Variants in CELF5 observed in about 807,000 individuals in gnomAD.
The protein encoded by CELF5 is CUGBP Elav-like family member 5.
Under a neutral mutation model 54.9 loss-of-function variants are expected in CELF5, and 6 were observed. The ratio of observed to expected loss-of-function variants is 0.11; its 90% CI spans 0.06 to 0.22. The LOEUF is 0.22. Among genes scored for constraint, CELF5 ranks in the 10% least tolerant of loss-of-function variants. CELF5 has a pLI of 1.00. For missense variants in CELF5, 401 were observed against 678.6 expected (o/e 0.59, Z 4.54); for synonymous variants, 271 against 290.9 (o/e 0.93, Z 0.70).
intron 2 of CELF5, among the ~76,000 whole-genome samples, chr19:3,252,911 G>A (rs12610909): frequency 0.06 from 9,066 of 151,970 alleles, 837 homozygotes; most frequent in East Asian, 0.43. Context: ...AAGGTGCTCA[G>A]TGGAGGGCTT....
chr19:3,267,241 A>G (rs1373317360), intron 2 of CELF5, among the ~76,000 whole-genome samples: 1 of 149,692 alleles, frequency 6.7e-6, no homozygotes, highest in Non-Finnish European at 1.5e-5. Context: ...AGCCCCCCCC[A>G]CCAACCGCCC....
intron 1 of CELF5, among the ~76,000 whole-genome samples, chr19:3,229,233 T>C (rs1408927310): frequency 2.6e-5 from 4 of 152,066 alleles, no homozygotes; most frequent in Non-Finnish European, 5.9e-5. Context: ...TCCGTCCACC[T>C]GTATGACCAA....
chr19:3,258,762 C>A (rs2145176874), intron 2 of CELF5, among the ~76,000 whole-genome samples: 1 of 152,158 alleles, frequency 6.6e-6, no homozygotes, highest in Non-Finnish European at 1.5e-5. Context: ...CAGGCACATG[C>A]CACCACGCCT....
In CELF5 at chr19:3,268,156, G is replaced by A. The variant is rs564331973; in HGVS notation, c.343-5716G>A. Among the ~76,000 whole-genome samples, 14 of 152,072 alleles carry A rather than the reference G, an allele frequency of 9.2e-5. No homozygotes were observed. The highest frequency in any genetic ancestry group is 4.2e-4 in the South Asian group (2 of 4,816). Reference sequence around the variant, plus strand: ...TGGGATTACAGGTGCCCGCCACCACGCCCAGCTACTTTTTGTATTTTTAGT... The same window carrying A: ...TGGGATTACAGGTGCCCGCCACCACACCCAGCTACTTTTTGTATTTTTAGT... On this transcript the variant is annotated intron_variant, in intron 2 of 12. Transcript: ENST00000292672. This position sits in a 1 kb window ranked among gnomAD's most constrained non-coding sequence, Gnocchi z 4.4.
chr19:3,282,395 C>T lies in CELF5; in HGVS notation c.936C>T (p.Gly312=). 1 of 1,612,128 alleles carries T rather than the reference C, an allele frequency of 6.2e-7. No individual in the cohort carries two copies. Among genetic ancestry groups the T allele is most frequent in the Non-Finnish European group, 8.5e-7 (1 of 1,180,026 alleles). ...TGCTGGGCACCACCGCTGTGCCTGG[C>T]CTCGTGGCTCCCATCACCAATGGCT... The part of the protein sequence containing the change: ...PPLLGTTAVP[G]LVAPITNGFA... The change falls in exon 8 of 13, where the codon GGC becomes GGT. Residue 312 remains glycine (G), a synonymous_variant. Coordinates refer to ENST00000292672, the MANE Select transcript of CELF5 (RefSeq NM_021938.4). This position sits in a 1 kb window ranked among gnomAD's most constrained non-coding sequence, Gnocchi z 5.2.
At chr19:3,284,227 G>A (rs530725076) in intron 8 of CELF5, among the ~76,000 whole-genome samples, 5 of 152,020 alleles carry the variant, frequency 3.3e-5, no homozygotes, top group Non-Finnish European at 7.3e-5. Flanking sequence ...TTTTGTCACA[G>A]ATGCAGACTT....
chr19:3,267,683 C>A (rs2079902454), intron 2 of CELF5, among the ~76,000 whole-genome samples: 1 of 152,190 alleles, frequency 6.6e-6, no homozygotes, highest in African/African-American at 2.4e-5. Flanking sequence ...GCACCCTCAG[C>A]CACCCTGCTG....
intron 1 of CELF5, among the ~76,000 whole-genome samples, chr19:3,246,659 G>A (rs2079571635): frequency 6.6e-6 from 1 of 152,016 alleles, no homozygotes; most frequent in South Asian, 2.1e-4. Context: ...GCTGCAGTGA[G>A]CTGTGATCAC....
chr19:3,243,743 A>G (rs2079524218), intron 1 of CELF5, among the ~76,000 whole-genome samples: 1 of 152,144 alleles, frequency 6.6e-6, no homozygotes, highest in African/African-American at 2.4e-5. Flanking sequence ...AGGTGTTGGC[A>G]GGGCTGGTTC....
intron 2 of CELF5, among the ~76,000 whole-genome samples, chr19:3,270,455 GGTGGGGT>G (rs534775401): frequency 6.6e-6 from 1 of 151,766 alleles, no homozygotes; most frequent in South Asian, 2.1e-4. Context: ...CGACAGGAGG[GGTGGGGT>G]GTGGGGAGAC....
At chr19:3,226,888 G>A (rs528688631) in intron 1 of CELF5, among the ~76,000 whole-genome samples, 1 of 152,008 alleles carries the variant, frequency 6.6e-6, no homozygotes, top group Non-Finnish European at 1.5e-5. Flanking sequence ...TTTCCCTGCT[G>A]TCAACAGAGC....
At position 3,268,761 on chromosome 19, in the gene CELF5, C is replaced by T. The variant is rs200254253; in HGVS notation, c.343-5111C>T. ...GTGTGTGTGTTTAGTGGGGAGGGGT[C>T]GTAATCAAGGTAATGCCTGGGCAAG... On this transcript the variant is annotated intron_variant, in intron 2 of 12. Coordinates refer to ENST00000292672, the MANE Select transcript of CELF5 (RefSeq NM_021938.4). The surrounding 1 kb of genome is among the most constrained non-coding windows in gnomAD (Gnocchi z 4.4). Among the ~76,000 whole-genome samples the T allele has an allele frequency of 6.6e-6, 1 of 151,610 alleles. No homozygotes were observed. Among genetic ancestry groups the T allele is most frequent in the African/African-American group, 2.4e-5 (1 of 41,204 alleles).
rs1053667768 is a variant in CELF5 at position 3,285,028 on chromosome 19, C to T, written c.1102+64C>T. ...CCGCCCCCGCCTAGGGCCCCGCCCC[C>T]AGGGCCCGCCCCGGACGTGTCGTTC... is the stretch of plus-strand genomic sequence containing the variant. On this transcript the variant is annotated intron_variant, in intron 9 of 12. Transcript: ENST00000292672. The T allele has an allele frequency of 1.9e-5, 25 of 1,298,306 alleles. No homozygotes were observed. The African/African-American group carries it at 3.2e-4, about 17-fold the overall frequency. 80.4% of individuals were successfully genotyped at this position (1,298,306 alleles called of 1,614,324 possible).
rs115150267 is a variant in CELF5, at chr19:3,258,106, T to C, written c.342+7039T>C. On this transcript the variant is annotated intron_variant, in intron 2 of 12. Coordinates refer to ENST00000292672, the MANE Select transcript of CELF5 (RefSeq NM_021938.4). Reference sequence around the variant, plus strand: ...CTCCCAACCTGGAATTACAGGTGCCTGCCACCAAGCCAGGATAATTTTTGT... The same window carrying C: ...CTCCCAACCTGGAATTACAGGTGCCCGCCACCAAGCCAGGATAATTTTTGT... Among the ~76,000 whole-genome samples, 948 of 151,926 alleles carry C rather than the reference T, an allele frequency of 6.2e-3. 11 individuals carry two copies. Among genetic ancestry groups the C allele is most frequent in the African/African-American group, 0.021 (880 of 41,422 alleles).
chr19:3,282,610 A>G lies in CELF5; in HGVS notation c.1039+112A>G. On this transcript the variant is annotated intron_variant, in intron 8 of 12. Transcript: ENST00000292672. The surrounding 1 kb of genome is among the most constrained non-coding windows in gnomAD (Gnocchi z 5.2). ...AGTGCCCAGGGAACAGAAGGGCAGG[A>G]AAAAGGGTGTCTCCGCTGAGCAGAT... The G allele has an allele frequency of 3.2e-6, 4 of 1,238,926 alleles. No individual in the cohort carries two copies. In the Admixed American group the frequency reaches 7.1e-5, roughly 22 times the overall value. The allele number at this position is 1,238,926 out of a possible 1,614,324, so 76.7% of individuals were successfully genotyped here. A position where few individuals can be genotyped will look rare whatever the true frequency, so the allele number is the denominator to read the frequency against.
rs149257739 is a variant in CELF5 at position 3,262,988 on chromosome 19, G to A, written c.343-10884G>A. On this transcript the variant is annotated intron_variant, in intron 2 of 12. Transcript: ENST00000292672. ...ATAGATAAATTTGTGGCTCACGCCT[G>A]TGGTCCCAGCACTTTGGGAGACCGA... Among the ~76,000 whole-genome samples, 896 of 151,924 alleles carry A rather than the reference G, an allele frequency of 5.9e-3. 9 individuals carry two copies. Among genetic ancestry groups the A allele is most frequent in the African/African-American group, 0.02 (840 of 41,448 alleles).
chr19:3,248,859 TTCCTTCCTTCCTTC>T (rs2079604598), intron 1 of CELF5, among the ~76,000 whole-genome samples: 1 of 72,434 alleles, frequency 1.4e-5, no homozygotes, highest in Non-Finnish European at 3.1e-5. Flanking sequence ...TCTTTCTTCC[TTCCTTCCTTCCTTC>T]CTTCCTTCCT....
chr19:3,226,097 C>G (rs1275476852), intron 1 of CELF5, among the ~76,000 whole-genome samples: 1 of 152,048 alleles, frequency 6.6e-6, no homozygotes, highest in Non-Finnish European at 1.5e-5. Context: ...CTGGGGGTGC[C>G]ACTTCAAAGG....
chr19:3,259,232 G>A (rs2079773903), intron 2 of CELF5, among the ~76,000 whole-genome samples: 1 of 152,108 alleles, frequency 6.6e-6, no homozygotes, highest in Non-Finnish European at 1.5e-5. Context: ...AATGAAGGGG[G>A]TCAGGTTAGG....
Sources: gnomAD v4.1 joint callset for allele counts (sites outside exome capture counted in the v4.1 genomes callset) on GRCh38, gnomAD v4.1.1 for gene constraint, Gnocchi (gnomAD v3.1) non-coding constraint, MANE v1.5 for transcripts, NCBI Gene and HGNC (gene_info 2026-07-23, HGNC 2026-07-21) for gene names.